The following CSMD1 variants were observed in gnomAD, a reference collection of about 807,000 sequenced individuals.
CSMD1 encodes CUB and Sushi multiple domains 1.
In CSMD1, 213 loss-of-function variants were observed where a neutral mutation model predicts 417.5. The observed-to-expected ratio is 0.51, with a 90% CI of 0.46 to 0.57. The LOEUF (loss-of-function observed/expected upper bound fraction) is 0.57, where lower values mean the gene tolerates loss of function less well. Ranked by LOEUF, CSMD1 falls within the 20% of genes least tolerant of loss-of-function variation. CSMD1 has a pLI of 0.00. For missense variants in CSMD1, 6,923 were observed against 4,529.7 expected (o/e 1.53, Z -15.17); for synonymous variants, 2,862 against 1,736.8 (o/e 1.65, Z -16.11).
chr8:4,373,079 G>C (rs962762915), intron 3 of CSMD1, among the ~76,000 whole-genome samples: 3 of 152,174 alleles, frequency 2.0e-5, no homozygotes, highest in Admixed American at 2.0e-4. Flanking sequence ...CAGTTTACCT[G>C]TGTGGTCTGT....
chr8:3,324,152 A>T (rs1806347706), intron 23 of CSMD1, among the ~76,000 whole-genome samples: 1 of 144,812 alleles, frequency 6.9e-6, no homozygotes, highest in Non-Finnish European at 1.5e-5. Context: ...TCTAACACCC[A>T]GAGACTCGGG....
At chr8:4,920,650 T>C (rs1052930889) in intron 1 of CSMD1, among the ~76,000 whole-genome samples, 1 of 151,820 alleles carries the variant, frequency 6.6e-6, no homozygotes, top group African/African-American at 2.4e-5. Flanking sequence ...GGTGAAACCC[T>C]GTATTTAGTA....
chr8:3,535,714 T>C (rs1312203308), intron 10 of CSMD1, among the ~76,000 whole-genome samples: 2 of 152,256 alleles, frequency 1.3e-5, no homozygotes, highest in Non-Finnish European at 1.5e-5. Flanking sequence ...GCTTTTTTGT[T>C]AATCCAAGTA....
chr8:3,025,640 T>C (rs1286055365), intron 51 of CSMD1, among the ~76,000 whole-genome samples: 1 of 152,210 alleles, frequency 6.6e-6, no homozygotes, highest in East Asian at 1.9e-4. Flanking sequence ...ATTTTACATA[T>C]CTCCACCAAA....
rs145803922 is a variant in CSMD1, at chr8:4,430,583, C to T, written c.303-10518G>A. ...CTCTGGGGAAGAAAATAAATTTTCC[C>T]CAAATTGCATTCTAGACAAGTTTGT... On this transcript the variant is annotated intron_variant, in intron 2 of 69. Coordinates refer to ENST00000635120, the MANE Select transcript of CSMD1 (RefSeq NM_033225.6). Among the ~76,000 whole-genome samples the T allele has an allele frequency of 6.3e-3, 961 of 152,056 alleles. 7 individuals are homozygous for T. Among genetic ancestry groups the T allele is most frequent in the Non-Finnish European group, 0.011 (738 of 67,980 alleles).
intron 31 of CSMD1, among the ~76,000 whole-genome samples, chr8:3,205,166 C>T (rs949455106): frequency 1.3e-5 from 2 of 152,184 alleles, no homozygotes; most frequent in African/African-American, 2.4e-5. Flanking sequence ...AGAGTTCTGA[C>T]CCACCCACTA....
chr8:3,999,142 T>C (rs75642185), intron 4 of CSMD1, among the ~76,000 whole-genome samples: 9,099 of 151,876 alleles, frequency 0.06, 370 homozygotes, highest in Middle Eastern at 0.087. Flanking sequence ...TTCCCTCCTT[T>C]CTTTCTTCCT....
intron 5 of CSMD1, among the ~76,000 whole-genome samples, chr8:3,843,017 G>C (rs996234625): frequency 1.3e-5 from 2 of 152,080 alleles, no homozygotes; most frequent in Non-Finnish European, 2.9e-5. Context: ...ACCCTGAAAA[G>C]TAAGGATTAT....
At chr8:4,106,143 T>C (rs567993671) in intron 3 of CSMD1, among the ~76,000 whole-genome samples, 33 of 152,216 alleles carry the variant, frequency 2.2e-4, no homozygotes, top group African/African-American at 7.7e-4. Context: ...ATTTATTACA[T>C]GTTTCTCTGG....
intron 5 of CSMD1, among the ~76,000 whole-genome samples, chr8:3,785,661 C>T (rs182453981): frequency 2.9e-4 from 44 of 152,232 alleles, no homozygotes; most frequent in African/African-American, 7.2e-4. Flanking sequence ...GAGTTGGCAT[C>T]GCCCTGAGGG....
chr8:2,981,779 G>A (rs1218559238), intron 54 of CSMD1, among the ~76,000 whole-genome samples: 1 of 152,236 alleles, frequency 6.6e-6, no homozygotes, highest in East Asian at 1.9e-4. Flanking sequence ...AATTAATACC[G>A]GGATCAATAA....
chr8:4,700,202 G>C (rs971729769), intron 1 of CSMD1, among the ~76,000 whole-genome samples: 4 of 151,910 alleles, frequency 2.6e-5, no homozygotes, highest in African/African-American at 9.7e-5. Context: ...TGAAATCTTA[G>C]AAAAATAATA....
At chr8:4,191,572 C>G (rs751080610) in intron 3 of CSMD1, among the ~76,000 whole-genome samples, 5 of 152,034 alleles carry the variant, frequency 3.3e-5, no homozygotes, top group African/African-American at 1.2e-4. Flanking sequence ...TGTACTTCAT[C>G]CATGAATCAC....
chr8:3,098,960 A>T (rs141194252), intron 46 of CSMD1, among the ~76,000 whole-genome samples: 3 of 151,804 alleles, frequency 2.0e-5, no homozygotes, highest in Admixed American at 6.6e-5. Flanking sequence ...ATTACACCAC[A>T]TGCCTACCTT....
At chr8:4,480,458 T>C (rs1436238096) in intron 2 of CSMD1, among the ~76,000 whole-genome samples, 1 of 152,106 alleles carries the variant, frequency 6.6e-6, no homozygotes, top group East Asian at 1.9e-4. Flanking sequence ...CCTTCTACTC[T>C]CATAAAAAAG....
intron 1 of CSMD1, among the ~76,000 whole-genome samples, chr8:4,726,960 T>A (rs954157059): frequency 6.6e-6 from 1 of 152,070 alleles, no homozygotes; most frequent in East Asian, 1.9e-4. Flanking sequence ...TTAAAAAAAA[T>A]ACATGGATGA....
intron 7 of CSMD1, among the ~76,000 whole-genome samples, chr8:3,627,236 T>C (rs1006003951): frequency 2.0e-5 from 3 of 152,182 alleles, no homozygotes; most frequent in Admixed American, 6.5e-5. Context: ...TTTAAGATTG[T>C]GATAAAAACC....
intron 6 of CSMD1, among the ~76,000 whole-genome samples, chr8:3,743,832 C>G (rs1293934517): frequency 1.3e-5 from 2 of 152,172 alleles, no homozygotes; most frequent in African/African-American, 4.8e-5. Flanking sequence ...AAATGCATAT[C>G]TGCTTCCTCC....
chr8:4,062,704 G>A (rs1263010835), intron 3 of CSMD1, among the ~76,000 whole-genome samples: 1 of 150,942 alleles, frequency 6.6e-6, no homozygotes, highest in African/African-American at 2.4e-5. Flanking sequence ...AAGCCACACT[G>A]TCATTATTCC....
Sources: allele counts gnomAD v4.1 joint callset (sites outside exome capture counted in the v4.1 genomes callset), GRCh38; gene constraint gnomAD v4.1.1; transcripts MANE v1.5; gene names NCBI Gene and HGNC (gene_info 2026-07-23, HGNC 2026-07-21).